Variants in LOXL2 observed in about 807,000 individuals in gnomAD.
LOXL2 encodes the protein lysyl oxidase homolog 2.
A neutral mutation model predicts 93.0 loss-of-function variants in LOXL2; 70 were observed. The ratio of observed to expected loss-of-function variants is 0.75; its 90% CI spans 0.62 to 0.92. The LOEUF is 0.92. LOXL2 is among the 40% of genes least tolerant of loss of function. The probability of loss-of-function intolerance (pLI) is 0.00; values close to 1 mark genes in which losing one functional copy is unlikely to be tolerated. For synonymous variants in LOXL2, 438 were observed against 413.2 expected, an observed-to-expected ratio of 1.06 and a Z score of -0.73; for missense variants, 973 against 1,054.9, an observed-to-expected ratio of 0.92 and a Z score of 1.08.
chr8:23,328,886 T>C, intron 5 of LOXL2: 1 of 243,842 alleles, frequency 4.1e-6, no homozygotes, highest in Non-Finnish European at 8.0e-6. Context: ...CACCCCAACC[T>C]TTGCGTGGCA....
intron 3 of LOXL2, among the ~76,000 whole-genome samples, chr8:23,352,483 C>G (rs1414839575): frequency 6.6e-6 from 1 of 152,184 alleles, no homozygotes; most frequent in Non-Finnish European, 1.5e-5. Flanking sequence ...AGATTCCTGG[C>G]TGGGAAGGGT....
intron 1 of LOXL2, among the ~76,000 whole-genome samples, chr8:23,392,198 T>C (rs1804855419): frequency 6.6e-6 from 1 of 152,204 alleles, no homozygotes; most frequent in Non-Finnish European, 1.5e-5. Context: ...AGCCACATTT[T>C]CAGCTTGTCT....
chr8:23,327,525 C>T (rs1472269226), intron 6 of LOXL2, among the ~76,000 whole-genome samples: 1 of 152,176 alleles, frequency 6.6e-6, no homozygotes, highest in African/African-American at 2.4e-5. Context: ...CCAGCCATAG[C>T]AGCCGACGGT....
rs60054207 is a variant in LOXL2 at position 23,384,457 on chromosome 8, C to T, written c.-83-16023G>A. 9.6e-3 allele frequency among the ~76,000 whole-genome samples: 1,461 copies of T among 152,316 alleles called. 28 individuals carry two copies. The highest frequency in any genetic ancestry group is 0.033 in the African/African-American group (1,392 of 41,554). On this transcript the variant is annotated intron_variant, in intron 1 of 13. Coordinates refer to ENST00000389131, the MANE Select transcript of LOXL2 (RefSeq NM_002318.3). ...TTACTTCAGCAGAACCAACAGGGAA[C>T]GGCAATTCCTCAAGTCTCACCTCCT...
intron 2 of LOXL2, among the ~76,000 whole-genome samples, chr8:23,366,879 G>A (rs151199517): frequency 2.2e-3 from 339 of 152,252 alleles, no homozygotes; most frequent in African/African-American, 7.8e-3. Flanking sequence ...ACACTGTCAG[G>A]GTTTCAGGGG....
chr8:23,306,240 G>A (rs1012022796), intron 10 of LOXL2, among the ~76,000 whole-genome samples: 1 of 152,174 alleles, frequency 6.6e-6, no homozygotes, highest in African/African-American at 2.4e-5. Context: ...CTAGGTCATT[G>A]GTGGCCCCAA....
chr8:23,332,440 C>A (rs1355047688), intron 5 of LOXL2, among the ~76,000 whole-genome samples: 1 of 139,128 alleles, frequency 7.2e-6, no homozygotes, highest in Non-Finnish European at 1.6e-5. Context: ...ACACCCCACA[C>A]ACTCCTACAG....
intron 3 of LOXL2, among the ~76,000 whole-genome samples, chr8:23,354,962 T>TACA (rs1804166333): frequency 2.5e-5 from 3 of 121,776 alleles, no homozygotes; most frequent in African/African-American, 9.9e-5. Flanking sequence ...TTTTTTTTTT[T>TACA]TTTTTTTTTT....
At chr8:23,376,274 T>G (rs1804588034) in intron 1 of LOXL2, among the ~76,000 whole-genome samples, 1 of 151,640 alleles carries the variant, frequency 6.6e-6, no homozygotes, top group African/African-American at 2.4e-5. Flanking sequence ...CAGCCTTGCA[T>G]CCCAGGGATG....
chr8:23,379,960 C>A (rs1037199912), intron 1 of LOXL2, among the ~76,000 whole-genome samples: 5 of 149,904 alleles, frequency 3.3e-5, no homozygotes, highest in African/African-American at 1.3e-4. Context: ...CCCCACTGTC[C>A]TACGAGCCCC....
intron 3 of LOXL2, among the ~76,000 whole-genome samples, chr8:23,346,100 A>G (rs1187919151): frequency 2.5e-5 from 2 of 79,910 alleles, no homozygotes; most frequent in Non-Finnish European, 2.4e-5. Context: ...ATAAAATAAA[A>G]TAAAATAAAA....
intron 1 of LOXL2, among the ~76,000 whole-genome samples, chr8:23,378,417 C>T (rs944792627): frequency 6.6e-6 from 1 of 152,080 alleles, no homozygotes; most frequent in African/African-American, 2.4e-5. Flanking sequence ...AATTATGTGT[C>T]TTGGAGTTGC....
At chr8:23,328,713 G>T in intron 5 of LOXL2, 148 bp from the exon 6 acceptor site, 3 of 543,756 alleles carry the variant, frequency 5.5e-6, no homozygotes, top group Non-Finnish European at 6.4e-6. Context: ...GTATGGATGT[G>T]TGTGTGTGTG....
intron 3 of LOXL2, among the ~76,000 whole-genome samples, chr8:23,359,023 T>C (rs1804245137): frequency 6.6e-6 from 1 of 152,050 alleles, no homozygotes. Flanking sequence ...TTTTCTTTTT[T>C]TTGTATTTTT....
At chr8:23,364,475 A>G (rs1804363806) in intron 2 of LOXL2, 1 of 152,254 alleles carries the variant, frequency 6.6e-6, no homozygotes, top group Admixed American at 6.5e-5. Context: ...TAGGAAGGTG[A>G]AAATCATAAA....
At chr8:23,345,272 G>C (rs1382066352) in intron 3 of LOXL2, among the ~76,000 whole-genome samples, 1 of 152,238 alleles carries the variant, frequency 6.6e-6, no homozygotes. Context: ...TCTCTGAGCA[G>C]TCCTCATCTC....
chr8:23,365,503 G>A (rs1804384122), intron 2 of LOXL2: 1 of 145,390 alleles, frequency 6.9e-6, no homozygotes, highest in African/African-American at 2.7e-5. Flanking sequence ...GTAAAGCCGT[G>A]AACACAAGAC....
chr8:23,392,153 C>T (rs1203404135), intron 1 of LOXL2, among the ~76,000 whole-genome samples: 2 of 152,178 alleles, frequency 1.3e-5, no homozygotes, highest in African/African-American at 4.8e-5. Flanking sequence ...CCCAGAGAAC[C>T]CAGTGATGGC....
At position 23,383,850 on chromosome 8, in the gene LOXL2, C is replaced by T. The variant is rs953076493; in HGVS notation, c.-83-15416G>A. ...TAATTTTTTGTATTTTTAGTAGAGACGGGGTTTCACCGTGTTAGCCAGGAT... is the reference window on the plus strand; with the variant it reads ...TAATTTTTTGTATTTTTAGTAGAGATGGGGTTTCACCGTGTTAGCCAGGAT... On this transcript the variant is annotated intron_variant, in intron 1 of 13. Transcript: ENST00000389131. 9.9e-5 allele frequency among the ~76,000 whole-genome samples: 15 copies of T among 151,542 alleles called. 1 individual carries two copies. The highest frequency in any genetic ancestry group is 1.5e-4 in the Non-Finnish European group (10 of 67,888).
Sources: allele counts gnomAD v4.1 joint callset (sites outside exome capture counted in the v4.1 genomes callset), GRCh38; gene constraint gnomAD v4.1.1; transcripts MANE v1.5; gene names NCBI Gene and HGNC (gene_info 2026-07-23, HGNC 2026-07-21).